The following ACVR1B variants were observed in gnomAD, a reference collection of about 807,000 sequenced individuals.
ACVR1B encodes the protein activin receptor type-1B.
Under a neutral mutation model 55.6 loss-of-function variants are expected in ACVR1B, and 15 were observed. That is an observed-to-expected ratio of 0.27 (90% CI 0.18 to 0.42). The LOEUF (loss-of-function observed/expected upper bound fraction) is 0.42, where lower values mean the gene tolerates loss of function less well. Among genes scored for constraint, ACVR1B ranks in the 10% least tolerant of loss-of-function variants. ACVR1B has a pLI of 1.00. For synonymous variants in ACVR1B, 247 were observed against 254.6 expected, an observed-to-expected ratio of 0.97 and a Z score of 0.28; for missense variants, 359 against 670.1, an observed-to-expected ratio of 0.54 and a Z score of 5.13.
intron 5 of ACVR1B, among the ~76,000 whole-genome samples, 170 bp downstream of exon 5, chr12:51,984,336 A>G (rs1253074650): frequency 6.6e-6 from 1 of 152,242 alleles, no homozygotes; most frequent in Non-Finnish European, 1.5e-5. Flanking sequence ...TGAGGTATCT[A>G]CAGGGTGTTC....
chr12:51,965,450 T>C (rs554745736), intron 1 of ACVR1B, among the ~76,000 whole-genome samples: 2 of 152,348 alleles, frequency 1.3e-5, no homozygotes, highest in East Asian at 1.9e-4. Flanking sequence ...AATGAAATAT[T>C]AGAATTGAAA....
At chr12:51,955,390 A>G (rs1340575268) in intron 1 of ACVR1B, among the ~76,000 whole-genome samples, 1 of 152,248 alleles carries the variant, frequency 6.6e-6, no homozygotes, top group East Asian at 1.9e-4. Flanking sequence ...ATGAATCAGT[A>G]AACGATGAGA....
intron 7 of ACVR1B, among the ~76,000 whole-genome samples, chr12:51,991,190 A>G (rs1420907241): frequency 6.6e-6 from 1 of 152,156 alleles, no homozygotes; most frequent in Non-Finnish European, 1.5e-5. Context: ...CCTCCCACAG[A>G]GGTAGGTGAC....
chr12:51,955,973 G>T (rs1941401044), intron 1 of ACVR1B, among the ~76,000 whole-genome samples: 1 of 152,256 alleles, frequency 6.6e-6, no homozygotes, highest in South Asian at 2.1e-4. Flanking sequence ...GGTTTAACTT[G>T]AGCTTTGGCT....
intron 7 of ACVR1B, among the ~76,000 whole-genome samples, chr12:51,990,077 C>T (rs890633247): frequency 6.6e-6 from 1 of 151,916 alleles, no homozygotes; most frequent in Non-Finnish European, 1.5e-5. Flanking sequence ...GCAGATCACC[C>T]GAGGTCAGGA....
intron 5 of ACVR1B, among the ~76,000 whole-genome samples, chr12:51,984,759 G>A (rs1023862646): frequency 6.6e-6 from 1 of 152,236 alleles, no homozygotes; most frequent in African/African-American, 2.4e-5. Flanking sequence ...ACCCGTGAAA[G>A]TTGGATCCTA....
At position 51,994,244 on chromosome 12, in the gene ACVR1B, C is replaced by T; in HGVS notation, c.*134C>T. The stretch of plus-strand genomic sequence containing the variant: ...CAGGAGCCCTGGCCCGCAAGAGGGA[C>T]AGAGCCCGGGAGAGACTCGCTCACT... On this transcript the variant is annotated 3_prime_UTR_variant, in exon 9 of 9. Coordinates refer to ENST00000257963, the MANE Select transcript of ACVR1B (RefSeq NM_004302.5). The surrounding 1 kb of genome is among the most constrained non-coding windows in gnomAD (Gnocchi z 4.2). 1.5e-6 allele frequency: 2 copies of T among 1,325,022 alleles called. No individual in the cohort carries two copies. Among genetic ancestry groups the T allele is most frequent in the Non-Finnish European group, 2.1e-6 (2 of 970,408 alleles). 82.1% of individuals were successfully genotyped at this position (1,325,022 alleles called of 1,614,324 possible). A position where few individuals can be genotyped will look rare whatever the true frequency, so the allele number is the denominator to read the frequency against.
intron 1 of ACVR1B, among the ~76,000 whole-genome samples, chr12:51,952,080 A>G (rs1941309287): frequency 6.6e-6 from 1 of 151,964 alleles, no homozygotes; most frequent in Admixed American, 6.5e-5. Context: ...GCGGAACTGG[A>G]TTCGGGCAGT....
rs1384417623 is a variant in ACVR1B, at chr12:51,994,168, T to C, written c.*58T>C. 8 of 1,595,986 alleles carry C rather than the reference T, an allele frequency of 5.0e-6. No homozygotes were observed. Among genetic ancestry groups the C allele is most frequent in the Non-Finnish European group, 6.8e-6 (8 of 1,174,818 alleles). ...GCGAGAACTACGCACAGCTGCCGCG[T>C]TGAGCGTACGATGGAGGCCTACCTC... On this transcript the variant is annotated 3_prime_UTR_variant, in exon 9 of 9. Transcript: ENST00000257963. The surrounding 1 kb of genome is among the most constrained non-coding windows in gnomAD (Gnocchi z 4.2).
At chr12:51,973,622 A>C (rs1941789960) in intron 1 of ACVR1B, among the ~76,000 whole-genome samples, 1 of 152,200 alleles carries the variant, frequency 6.6e-6, no homozygotes, top group African/African-American at 2.4e-5. Flanking sequence ...ATTCAGGAGA[A>C]ATTTACTTTT....
chr12:51,959,400 A>G (rs190317492), intron 1 of ACVR1B, among the ~76,000 whole-genome samples: 103 of 152,364 alleles, frequency 6.8e-4, no homozygotes, highest in African/African-American at 2.5e-3. Flanking sequence ...GGCAAACTCT[A>G]GGAGCTGAGA....
chr12:51,992,945 T>C (rs2120764898), intron 8 of ACVR1B, among the ~76,000 whole-genome samples: 1 of 152,368 alleles, frequency 6.6e-6, no homozygotes, highest in African/African-American at 2.4e-5. Flanking sequence ...TAAGTGCTCA[T>C]GGGCCTCCTT....
intron 2 of ACVR1B, among the ~76,000 whole-genome samples, chr12:51,976,027 T>A (rs1443042745): frequency 6.6e-6 from 1 of 152,040 alleles, no homozygotes; most frequent in Non-Finnish European, 1.5e-5. Context: ...TGTGGGAAGT[T>A]AAAGGGCAGA....
At chr12:51,962,292 C>T (rs1941547110) in intron 1 of ACVR1B, among the ~76,000 whole-genome samples, 1 of 152,158 alleles carries the variant, frequency 6.6e-6, no homozygotes, top group African/African-American at 2.4e-5. Context: ...CCACCCCCCA[C>T]CATACAAATA....
Position 51,994,127 on chromosome 12 carries a change from C to T in ACVR1B, c.*17C>T, listed in dbSNP as rs1332526838. 2 of 1,611,988 alleles carry T rather than the reference C, an allele frequency of 1.2e-6. No homozygotes were observed. The highest frequency in any genetic ancestry group is 1.7e-6 in the Non-Finnish European group (2 of 1,179,864). On this transcript the variant is annotated 3_prime_UTR_variant, in exon 9 of 9. Transcript: ENST00000257963. The surrounding 1 kb of genome is among the most constrained non-coding windows in gnomAD (Gnocchi z 4.2). The stretch of plus-strand genomic sequence containing the variant: ...AAGATCTAACTGCTCCCTCTCTCCA[C>T]ACGGAGCTCCTGGCAGCGAGAACTA...
intron 5 of ACVR1B, 111 bp from the exon 6 acceptor site, chr12:51,985,081 A>G (rs563629309): frequency 4.0e-5 from 46 of 1,142,072 alleles, no homozygotes; most frequent in Middle Eastern, 5.9e-4. Context: ...GGGTCACTGG[A>G]TTAGCAGGAG....
At position 51,951,740 on chromosome 12, in the gene ACVR1B, T is replaced by G; in HGVS notation, c.-4T>G. On this transcript the variant is annotated 5_prime_UTR_variant, in exon 1 of 9. Coordinates refer to ENST00000257963, the MANE Select transcript of ACVR1B (RefSeq NM_004302.5). The stretch of plus-strand genomic sequence containing the variant: ...CGGCGGCGGCGGCGGCGGCGGTGGT[T>G]ACTATGGCGGAGTCGGCCGGAGCCT... The G allele has an allele frequency of 8.0e-7, 1 of 1,250,718 alleles. No individual in the cohort carries two copies. Among genetic ancestry groups the G allele is most frequent in the Non-Finnish European group, 1.0e-6 (1 of 987,358 alleles). 77.5% of individuals were successfully genotyped at this position (1,250,718 alleles called of 1,614,324 possible). A position where few individuals can be genotyped will look rare whatever the true frequency, so the allele number is the denominator to read the frequency against.
rs1211970209 is a variant in ACVR1B, at chr12:51,951,707, C to T, written c.-37C>T. 6 of 1,078,460 alleles carry T rather than the reference C, an allele frequency of 5.6e-6. No homozygotes were observed. Among genetic ancestry groups the T allele is most frequent in the African/African-American group, 2.1e-5 (1 of 48,434 alleles). The allele number at this position is 1,078,460 out of a possible 1,614,324, so 66.8% of individuals were successfully genotyped here. On this transcript the variant is annotated 5_prime_UTR_variant, in exon 1 of 9. Transcript: ENST00000257963. ...GCGCGCGCGCGCGCGCTGGGCGCTG[C>T]TGGGCTGCGGCGGCGGCGGCGGCGG... is the stretch of plus-strand genomic sequence containing the variant.
chr12:51,961,680 A>G (rs1414358440), intron 1 of ACVR1B, among the ~76,000 whole-genome samples: 1 of 152,210 alleles, frequency 6.6e-6, no homozygotes, highest in African/African-American at 2.4e-5. Context: ...CGTCCATACT[A>G]TAATAAATAG....
Sources: allele counts gnomAD v4.1 joint callset (sites outside exome capture counted in the v4.1 genomes callset), GRCh38; gene constraint gnomAD v4.1.1; non-coding constraint Gnocchi (gnomAD v3.1); transcripts MANE v1.5; gene names NCBI Gene and HGNC (gene_info 2026-07-23, HGNC 2026-07-21).